The following CHD6 variants were observed in gnomAD, a reference collection of about 807,000 sequenced individuals.
The protein encoded by CHD6 is ATP-dependent chromatin remodeler CHD6.
A neutral mutation model predicts 276.9 loss-of-function variants in CHD6; 50 were observed. The ratio of observed to expected loss-of-function variants is 0.18; its 90% CI spans 0.14 to 0.23. The LOEUF (loss-of-function observed/expected upper bound fraction) is 0.23. CHD6 is among the 10% of genes least tolerant of loss of function. The pLI is 1.00. For synonymous variants in CHD6, 1,173 were observed against 1,229.3 expected (o/e 0.95, Z 0.96); for missense variants, 2,564 against 3,365.8 (o/e 0.76, Z 5.89).
At chr20:41,532,533 C>T (rs143680897) in intron 3 of CHD6, among the ~76,000 whole-genome samples, 190 of 152,330 alleles carry the variant, frequency 1.2e-3, no homozygotes, top group African/African-American at 4.4e-3. Flanking sequence ...CCCTTACACC[C>T]TGTGCATGTT....
rs879346855 is a variant in CHD6 at position 41,551,710 on chromosome 20, T to C, written c.-23-350A>G. On this transcript the variant is annotated intron_variant, in intron 1 of 36. Transcript: ENST00000373233. ...ATTAGGAGATGGGAAGGAAGTAAGG[T>C]AAGCCCTCATCCCTTTTGGAAGAAA... Among the ~76,000 whole-genome samples, 3 of 152,256 alleles carry C rather than the reference T, an allele frequency of 2.0e-5. No individual in the cohort carries two copies. In the East Asian group the frequency reaches 5.8e-4, roughly 29 times the overall value.
In CHD6 at chr20:41,455,954, A is replaced by G. The variant is rs2048365484; in HGVS notation, c.2855T>C (p.Val952Ala). The G allele has an allele frequency of 6.3e-7, 1 of 1,584,672 alleles. No homozygotes were observed. The highest frequency in any genetic ancestry group is 8.6e-7 in the Non-Finnish European group (1 of 1,166,890). Residue 952 changes from valine to alanine, a missense_variant, in exon 19 of 37, where the codon GTG (valine) becomes GCG (alanine). Val to Ala is a moderately conservative substitution (Grantham distance 64, BLOSUM62 0). This residue lies in a region of CHD6 where 457 missense variants were observed against 889.0 expected (regional missense o/e 0.51). Transcript: ENST00000373233. ...NGVQQLSKME[V>A]EDLLRKGAYG... Reference sequence around the variant, plus strand: ...AGCACCTTTCCGGAGTAGGTCCTCCACCTCCATTTTTGAGAGCTGCTGTAC... The same window carrying G: ...AGCACCTTTCCGGAGTAGGTCCTCCGCCTCCATTTTTGAGAGCTGCTGTAC...
In CHD6 at chr20:41,420,819, T is replaced by C; in HGVS notation, c.5816A>G (p.His1939Arg). 6.2e-7 allele frequency: 1 copy of C among 1,614,226 alleles called. No individual in the cohort carries two copies. The highest frequency in any genetic ancestry group is 8.5e-7 in the Non-Finnish European group (1 of 1,180,034). ...AFPAPAACQCHCKHMERWMHG... is the reference protein window; with the variant it reads ...AFPAPAACQCRCKHMERWMHG... ...CATCCACCTCTCCATGTGTTTGCAG[T>C]GGCACTGACAGGCTGCTGGAGCGGG... The change falls in exon 31 of 37, where the codon CAC (histidine) becomes CGC (arginine). Residue 1939 changes from histidine to arginine, a missense_variant. Physicochemically the swap from His to Arg is conservative, Grantham distance 29. Around this residue, in one of 7 missense-constraint regions of CHD6, gnomAD observed 1,024 missense variants for 1,047.9 expected, o/e 0.98. Coordinates refer to ENST00000373233, the MANE Select transcript of CHD6 (RefSeq NM_032221.5).
At chr20:41,434,966 A>T (rs2047660331) in intron 27 of CHD6, among the ~76,000 whole-genome samples, 1 of 152,200 alleles carries the variant, frequency 6.6e-6, no homozygotes, top group Non-Finnish European at 1.5e-5. Flanking sequence ...TATACCATAC[A>T]CTGGGCCATA....
chr20:41,416,215 C>T (rs567305496), intron 33 of CHD6, among the ~76,000 whole-genome samples: 1 of 152,252 alleles, frequency 6.6e-6, no homozygotes, highest in South Asian at 2.1e-4. Context: ...TTCATGCTTC[C>T]CTTTCCTTAT....
At chr20:41,517,970 AT>A (rs2044292159) in intron 3 of CHD6, among the ~76,000 whole-genome samples, 1 of 152,266 alleles carries the variant, frequency 6.6e-6, no homozygotes, top group Non-Finnish European at 1.5e-5. Flanking sequence ...GAATCTCAAA[AT>A]AATGGTTTAA....
In CHD6 at chr20:41,584,465, C is replaced by T. The variant is rs915076840; in HGVS notation, c.-23-33105G>A. 2.0e-5 allele frequency among the ~76,000 whole-genome samples: 3 copies of T among 152,104 alleles called. No homozygotes were observed. The East Asian group carries it at 5.8e-4, about 29-fold the overall frequency. On this transcript the variant is annotated intron_variant, in intron 1 of 36. Transcript: ENST00000373233. ...TATCTAGAAGATACCAATAACACTA[C>T]AACCAACTTTACCTAATTAACATTT...
intron 16 of CHD6, among the ~76,000 whole-genome samples, 198 bp downstream of exon 16, chr20:41,483,111 A>C (rs1413268685): frequency 6.6e-6 from 1 of 152,136 alleles, no homozygotes; most frequent in African/African-American, 2.4e-5. Context: ...AGGTCATGAA[A>C]TTTACTCTTG....
chr20:41,416,300 A>G (rs1477750287), intron 33 of CHD6, among the ~76,000 whole-genome samples: 1 of 152,144 alleles, frequency 6.6e-6, no homozygotes, highest in Non-Finnish European at 1.5e-5. Context: ...ACCGGGGTCT[A>G]GAACCTCTCT....
chr20:41,497,741 C>A, intron 7 of CHD6: 1 of 532,532 alleles, frequency 1.9e-6, no homozygotes, highest in East Asian at 3.2e-5. Context: ...TGGCTGAGAA[C>A]AGAGGCAGGG....
In CHD6 at chr20:41,525,296, C is replaced by T. The variant is rs1225039710; in HGVS notation, c.554+7754G>A. Among the ~76,000 whole-genome samples, 6 of 152,216 alleles carry T rather than the reference C, an allele frequency of 3.9e-5. No individual in the cohort carries two copies. The East Asian group carries it at 1.2e-3, about 29-fold the overall frequency. On this transcript the variant is annotated intron_variant, in intron 3 of 36. Coordinates refer to ENST00000373233, the MANE Select transcript of CHD6 (RefSeq NM_032221.5). ...TTCCCCAGGGCAAACTGCCCAATATCCTTAGAGTAATTGCCTGAGTTCATC... is the reference window on the plus strand; with the variant it reads ...TTCCCCAGGGCAAACTGCCCAATATTCTTAGAGTAATTGCCTGAGTTCATC...
chr20:41,533,103 T>G lies in CHD6; in HGVS notation c.501A>C (p.Lys167Asn). ...CAGAGTCAGTGCAGCTCCTCTTCTCTTTGGCCTCCTTGGTGCCCGAGGCCT... is the reference window on the plus strand; with the variant it reads ...CAGAGTCAGTGCAGCTCCTCTTCTCGTTGGCCTCCTTGGTGCCCGAGGCCT... ...PREASGTKEA[K>N]EKRSCTDSAA... Residue 167 changes from lysine to asparagine, a missense_variant, in exon 3 of 37, where the codon AAA (lysine) becomes AAC (asparagine). This residue lies in a region of CHD6 where 286 missense variants were observed against 297.8 expected (regional missense o/e 0.96). Coordinates refer to ENST00000373233, the MANE Select transcript of CHD6 (RefSeq NM_032221.5). 1 of 1,613,222 alleles carries G rather than the reference T, an allele frequency of 6.2e-7. No individual in the cohort carries two copies. The highest frequency in any genetic ancestry group is 8.5e-7 in the Non-Finnish European group (1 of 1,179,748).
intron 3 of CHD6, among the ~76,000 whole-genome samples, chr20:41,516,888 T>C (rs931586472): frequency 5.9e-5 from 9 of 151,884 alleles, no homozygotes. Flanking sequence ...TGACAGAAAG[T>C]GGGGAACAAG....
intron 18 of CHD6, among the ~76,000 whole-genome samples, chr20:41,456,883 G>A (rs2048392216): frequency 6.6e-6 from 1 of 152,144 alleles, no homozygotes; most frequent in South Asian, 2.1e-4. Context: ...ACTGTTAGGG[G>A]CCGAGGGGAC....
At chr20:41,415,785 G>C in intron 33 of CHD6, 147 bp from the exon 34 acceptor site, 1 of 628,436 alleles carries the variant, frequency 1.6e-6, no homozygotes, top group Non-Finnish European at 2.7e-6. Flanking sequence ...CCTCAAACCT[G>C]AACAGCTTGT....
At chr20:41,503,390 C>T (rs962801712) in intron 5 of CHD6, among the ~76,000 whole-genome samples, 1 of 152,192 alleles carries the variant, frequency 6.6e-6, no homozygotes, top group African/African-American at 2.4e-5. Flanking sequence ...AGTTTTACTA[C>T]TCCCTTTCTA....
chr20:41,495,323 T>C (rs1348272608), intron 8 of CHD6, among the ~76,000 whole-genome samples: 1 of 152,188 alleles, frequency 6.6e-6, no homozygotes, highest in Non-Finnish European at 1.5e-5. Context: ...TGGATGAACC[T>C]GGAGGATGTT....
intron 1 of CHD6, among the ~76,000 whole-genome samples, chr20:41,579,857 C>T (rs967207328): frequency 1.3e-5 from 2 of 151,956 alleles, no homozygotes; most frequent in African/African-American, 4.8e-5. Context: ...CAAGCTTTTC[C>T]AACACTCATA....
intron 1 of CHD6, among the ~76,000 whole-genome samples, chr20:41,592,408 A>G (rs1188177239): frequency 6.6e-6 from 1 of 152,222 alleles, no homozygotes; most frequent in East Asian, 1.9e-4. Flanking sequence ...GGTAATGTTT[A>G]CTGTCTTAAA....
Sources: gnomAD v4.1 joint callset for allele counts (sites outside exome capture counted in the v4.1 genomes callset) on GRCh38, gnomAD v4.1.1 for gene constraint, gnomAD v4.1.1 regional missense constraint, MANE v1.5 for transcripts, NCBI Gene and HGNC (gene_info 2026-07-23, HGNC 2026-07-21) for gene names.